The following OCA2 variants were observed in gnomAD, a reference collection of about 807,000 sequenced individuals.
OCA2 encodes the protein P protein.
In OCA2, 77 loss-of-function variants were observed where a neutral mutation model predicts 100.2. The observed-to-expected ratio is 0.77, with a 90% CI of 0.64 to 0.93. The LOEUF (loss-of-function observed/expected upper bound fraction) is 0.93, where lower values mean the gene tolerates loss of function less well. Ranked by LOEUF, OCA2 falls within the 40% of genes least tolerant of loss-of-function variation. OCA2 has a pLI of 0.00. For missense variants in OCA2, 1,062 were observed against 1,089.1 expected (o/e 0.98, Z 0.35); for synonymous variants, 432 against 439.2 (o/e 0.98, Z 0.21).
At chr15:28,022,466 A>G (rs777730612) in intron 6 of OCA2, 35 bp downstream of exon 6, 10 of 1,485,724 alleles carry the variant, frequency 6.7e-6, no homozygotes, top group Non-Finnish European at 9.4e-6. Context: ...GATCTCAGCC[A>G]GGCGGCTGGC....
the OCA2 span, among the ~76,000 whole-genome samples, chr15:27,731,444 G>A: frequency 6.6e-6 from 1 of 152,140 alleles, no homozygotes; most frequent in East Asian, 1.9e-4. Context: ...ATTTTGTTTT[G>A]TGGCAGTTGT....
intron 18 of OCA2, among the ~76,000 whole-genome samples, chr15:27,934,936 T>C (rs1228343138): frequency 6.6e-6 from 1 of 152,182 alleles, no homozygotes. Context: ...TGCCGGTGCA[T>C]AAGCTCGTCT....
chr15:27,858,073 G>T (rs1362685794), intron 21 of OCA2, among the ~76,000 whole-genome samples: 4 of 151,344 alleles, frequency 2.6e-5, no homozygotes, highest in Admixed American at 2.6e-4. Flanking sequence ...TCTAAGATAT[G>T]CAGAAAAGAA....
intron 1 of OCA2, among the ~76,000 whole-genome samples, chr15:28,088,285 A>G (rs1256107447): frequency 1.3e-5 from 2 of 152,210 alleles, no homozygotes; most frequent in East Asian, 1.9e-4. Context: ...ACACTCCTTG[A>G]TGTGTTTATT....
chr15:27,909,521 TC>T (rs2038304901), intron 19 of OCA2, among the ~76,000 whole-genome samples: 1 of 152,084 alleles, frequency 6.6e-6, no homozygotes. Flanking sequence ...TTATAAAGCC[TC>T]AAACAATTTG....
chr15:27,856,701 AACACACACAC>A lies in OCA2; in HGVS notation c.2245-5236_2245-5227del, dbSNP rs34330347. On this transcript the variant is annotated intron_variant, in intron 21 of 23. Transcript: ENST00000354638. Reference sequence around the variant, plus strand: ...TACACACACACAAACACACACCCCTAACACACACACACACACACACACACACACACACATT... The same window carrying A: ...TACACACACACAAACACACACCCCTAACACACACACACACACACACACATT... Among the ~76,000 whole-genome samples the A allele has an allele frequency of 4.4e-3, 646 of 145,798 alleles. 4 individuals carry two copies. Among genetic ancestry groups the A allele is most frequent in the African/African-American group, 0.014 (552 of 40,272 alleles).
intron 15 of OCA2, among the ~76,000 whole-genome samples, chr15:27,962,614 A>G (rs1039474753): frequency 6.6e-6 from 1 of 152,228 alleles, no homozygotes; most frequent in Non-Finnish European, 1.5e-5. Flanking sequence ...AATATCGCTC[A>G]AAGTTAGTGG....
the OCA2 span, among the ~76,000 whole-genome samples, chr15:27,722,769 C>T: frequency 5.9e-5 from 5 of 84,610 alleles, no homozygotes; most frequent in African/African-American, 8.4e-5. Context: ...TCCTTTCTTT[C>T]TTTTCTTTCT....
At chr15:27,879,611 GA>G (rs1365774645) in intron 19 of OCA2, among the ~76,000 whole-genome samples, 1 of 152,126 alleles carries the variant, frequency 6.6e-6, no homozygotes, top group African/African-American at 2.4e-5. Context: ...GTGATGTTGA[GA>G]TTTTTTTCTT....
At chr15:28,069,445 G>T (rs1744593539) in intron 2 of OCA2, among the ~76,000 whole-genome samples, 1 of 83,838 alleles carries the variant, frequency 1.2e-5, no homozygotes, top group Non-Finnish European at 2.1e-5. Context: ...CCTCTCCCCG[G>T]TCTCCCTCTC....
chr15:27,979,988 A>G (rs1026002619), intron 14 of OCA2, among the ~76,000 whole-genome samples: 1 of 150,796 alleles, frequency 6.6e-6, no homozygotes, highest in African/African-American at 2.4e-5. Flanking sequence ...TGCTGGGATT[A>G]CAGGTGTGAG....
At chr15:27,871,582 G>A (rs1246529865) in intron 20 of OCA2, among the ~76,000 whole-genome samples, 1 of 152,194 alleles carries the variant, frequency 6.6e-6, no homozygotes, top group Non-Finnish European at 1.5e-5. Flanking sequence ...GGGCTGGGGC[G>A]CCTGCAGCAC....
chr15:27,860,911 A>G (rs1008169078), intron 21 of OCA2, among the ~76,000 whole-genome samples: 2 of 152,214 alleles, frequency 1.3e-5, no homozygotes, highest in African/African-American at 4.8e-5. Context: ...TCAGGGAGGA[A>G]GCAGCAGCCA....
chr15:27,767,350 G>A (rs1165630653), intron 23 of OCA2, among the ~76,000 whole-genome samples: 1 of 152,210 alleles, frequency 6.6e-6, no homozygotes, highest in Non-Finnish European at 1.5e-5. Context: ...AACAGCAGTT[G>A]GGGTGTCCTG....
intron 19 of OCA2, among the ~76,000 whole-genome samples, chr15:27,877,894 CT>C (rs1049889297): frequency 5.9e-5 from 9 of 151,548 alleles, no homozygotes; most frequent in African/African-American, 2.2e-4. Context: ...CTGTTTGTCT[CT>C]TTTTTTATTC....
chr15:28,008,092 G>A (rs901133392), intron 9 of OCA2, among the ~76,000 whole-genome samples: 1 of 152,178 alleles, frequency 6.6e-6, no homozygotes, highest in African/African-American at 2.4e-5. Flanking sequence ...CCAAGGCACT[G>A]GGAATCAACA....
intron 2 of OCA2, among the ~76,000 whole-genome samples, chr15:28,079,325 A>C (rs902912150): frequency 2.1e-5 from 3 of 140,878 alleles, no homozygotes; most frequent in African/African-American, 7.9e-5. Flanking sequence ...TTTTCTGCCT[A>C]TTTTCATGAA....
intron 15 of OCA2, among the ~76,000 whole-genome samples, chr15:27,963,893 A>T (rs1181823192): frequency 6.6e-6 from 1 of 152,168 alleles, no homozygotes; most frequent in Non-Finnish European, 1.5e-5. Context: ...TCAAACTACC[A>T]ACATCAGGAA....
At chr15:28,029,706 C>G (rs573028409) in intron 3 of OCA2, among the ~76,000 whole-genome samples, 90 of 152,140 alleles carry the variant, frequency 5.9e-4, no homozygotes, top group Non-Finnish European at 7.1e-4. Flanking sequence ...GCTGTCAACA[C>G]CCTTAAAAGA....
Sources: gnomAD v4.1 joint callset for allele counts (sites outside exome capture counted in the v4.1 genomes callset) on GRCh38, gnomAD v4.1.1 for gene constraint, MANE v1.5 for transcripts, NCBI Gene and HGNC (gene_info 2026-07-23, HGNC 2026-07-21) for gene names.